Variants in PCNX1 observed in about 807,000 individuals in gnomAD.
PCNX1 encodes the protein pecanex 1.
In PCNX1, 78 loss-of-function variants were observed where a neutral mutation model predicts 242.2. That is an observed-to-expected ratio of 0.32 (90% CI 0.27 to 0.39). PCNX1 has a LOEUF of 0.39. Among genes scored for constraint, PCNX1 ranks in the 10% least tolerant of loss-of-function variants. The probability of loss-of-function intolerance (pLI) is 1.00; values close to 1 mark genes in which losing one functional copy is unlikely to be tolerated. For synonymous variants in PCNX1, 1,024 were observed against 1,032.9 expected (o/e 0.99, Z 0.17); for missense variants, 2,581 against 2,856.5 (o/e 0.90, Z 2.20).
intron 7 of PCNX1, among the ~76,000 whole-genome samples, chr14:70,993,033 T>C (rs1433390146): frequency 6.6e-6 from 1 of 152,050 alleles, no homozygotes; most frequent in Non-Finnish European, 1.5e-5. Flanking sequence ...TCAAAAGATA[T>C]TAGGCCTAAG....
At chr14:71,004,953 G>C (rs372916263) in intron 8 of PCNX1, among the ~76,000 whole-genome samples, 16 of 151,914 alleles carry the variant, frequency 1.1e-4, no homozygotes, top group Admixed American at 3.3e-4. Flanking sequence ...TGTTTTTATA[G>C]CCCCTCTCTG....
chr14:70,992,549 A>AT (rs2059199189), intron 7 of PCNX1, among the ~76,000 whole-genome samples: 1 of 103,454 alleles, frequency 9.7e-6, no homozygotes, highest in Non-Finnish European at 1.9e-5. Context: ...ATAGAAAGGT[A>AT]ACTAGCAGTA....
chr14:70,943,435 CAA>C (rs1159118800), intron 1 of PCNX1, among the ~76,000 whole-genome samples: 2 of 152,160 alleles, frequency 1.3e-5, no homozygotes, highest in African/African-American at 4.8e-5. Flanking sequence ...GCTTTATTAG[CAA>C]AGAGACTGGC....
Position 71,016,862 on chromosome 14 carries a change from G to C in PCNX1, c.2997-2147G>C, listed in dbSNP as rs537625313. On this transcript the variant is annotated intron_variant, in intron 11 of 35. Transcript: ENST00000304743. The stretch of plus-strand genomic sequence containing the variant: ...GTAAACAAAAGAAAGGTAGTAGTAA[G>C]GAACAAAACAATTCAATGAGGAAAC... Among the ~76,000 whole-genome samples the C allele has an allele frequency of 4.8e-4, 73 of 152,076 alleles. No homozygotes were observed. In the South Asian group the frequency reaches 0.012, roughly 24 times the overall value.
rs555018124 is a variant in PCNX1, at chr14:70,967,869, C to T, written c.469-329C>T. Among the ~76,000 whole-genome samples the T allele has an allele frequency of 1.8e-4, 27 of 152,078 alleles. 1 individual carries two copies. The highest frequency in any genetic ancestry group is 2.9e-4 in the Non-Finnish European group (20 of 68,026). Reference sequence around the variant, plus strand: ...GTTTTGCTTTTGTTTATAACATGAACGTGTCATGATGTAGTATAAAAATGA... The same window carrying T: ...GTTTTGCTTTTGTTTATAACATGAATGTGTCATGATGTAGTATAAAAATGA... On this transcript the variant is annotated intron_variant, in intron 3 of 35. Coordinates refer to ENST00000304743, the MANE Select transcript of PCNX1 (RefSeq NM_014982.3).
At chr14:70,991,674 G>A (rs113185698) in intron 7 of PCNX1, among the ~76,000 whole-genome samples, 1,929 of 152,256 alleles carry the variant, frequency 0.013, 19 homozygotes, top group Non-Finnish European at 0.021. Context: ...TATCTGTGGG[G>A]AATTAGGGAG....
At chr14:71,064,938 G>A (rs1002420827) in intron 26 of PCNX1, among the ~76,000 whole-genome samples, 3 of 152,176 alleles carry the variant, frequency 2.0e-5, no homozygotes, top group African/African-American at 7.2e-5. Flanking sequence ...CCCTGCAAAG[G>A]CCATGAACTC....
chr14:71,017,080 A>G (rs1203715394), intron 11 of PCNX1, among the ~76,000 whole-genome samples: 1 of 152,214 alleles, frequency 6.6e-6, no homozygotes, highest in Non-Finnish European at 1.5e-5. Flanking sequence ...TATTAAAAGC[A>G]TAATTAGAGA....
intron 1 of PCNX1, among the ~76,000 whole-genome samples, chr14:70,937,925 GCTCT>G (rs1411529245): frequency 6.6e-6 from 1 of 151,904 alleles, no homozygotes; most frequent in Non-Finnish European, 1.5e-5. Context: ...TCATGATTTG[GCTCT>G]CTGTCTGTTA....
rs1353775675 is a variant in PCNX1, at chr14:71,045,325, T to C, written c.4018+42T>C. ...CACTTTTTCTTTTTAATACTATGAG[T>C]TTTTCCCTTTGCTATATTGATAGAT... On this transcript the variant is annotated intron_variant, in intron 20 of 35. Transcript: ENST00000304743. 2.9e-6 allele frequency: 4 copies of C among 1,397,980 alleles called. No homozygotes were observed. The South Asian group carries it at 5.0e-5, about 18-fold the overall frequency. 86.6% of individuals were successfully genotyped at this position (1,397,980 alleles called of 1,614,324 possible).
intron 9 of PCNX1, 39 bp downstream of exon 9, chr14:71,009,763 T>C (rs2059770112): frequency 8.4e-7 from 1 of 1,196,918 alleles, no homozygotes; most frequent in South Asian, 1.4e-5. Context: ...TGTACTTTCA[T>C]ATGTTTGCCA....
intron 8 of PCNX1, among the ~76,000 whole-genome samples, chr14:70,997,314 T>C (rs2059382280): frequency 6.6e-6 from 1 of 152,118 alleles, no homozygotes; most frequent in Admixed American, 6.5e-5. Flanking sequence ...ATTGGCTTTA[T>C]AGTAGTAGAT....
intron 1 of PCNX1, among the ~76,000 whole-genome samples, chr14:70,908,465 G>C (rs1212739290): frequency 6.6e-6 from 1 of 152,116 alleles, no homozygotes; most frequent in Non-Finnish European, 1.5e-5. Context: ...GGGCTCCCGG[G>C]AGAGGCCGCC....
At chr14:70,980,200 C>A (rs1035945403) in intron 6 of PCNX1, among the ~76,000 whole-genome samples, 1 of 151,150 alleles carries the variant, frequency 6.6e-6, no homozygotes, top group Non-Finnish European at 1.5e-5. Flanking sequence ...TAAATTCATG[C>A]GTTTATATTT....
At chr14:71,065,555 C>T (rs540515133) in intron 26 of PCNX1, among the ~76,000 whole-genome samples, 2 of 152,192 alleles carry the variant, frequency 1.3e-5, no homozygotes, top group South Asian at 4.1e-4. Flanking sequence ...AAAATTTTGT[C>T]TCATTCTGTA....
At chr14:71,081,328 TTC>T (rs1242672869) in intron 28 of PCNX1, among the ~76,000 whole-genome samples, 1 of 152,142 alleles carries the variant, frequency 6.6e-6, no homozygotes, top group Non-Finnish European at 1.5e-5. Context: ...GCCTGAAATT[TTC>T]TGTTTTTGTT....
chr14:71,022,952 A>T (rs2060144298), intron 12 of PCNX1, among the ~76,000 whole-genome samples: 2 of 152,138 alleles, frequency 1.3e-5, no homozygotes, highest in African/African-American at 4.8e-5. Flanking sequence ...ACTTTAAGAT[A>T]GATACAAATA....
intron 1 of PCNX1, among the ~76,000 whole-genome samples, chr14:70,915,650 C>T (rs2056124262): frequency 6.6e-6 from 1 of 152,020 alleles, no homozygotes; most frequent in Non-Finnish European, 1.5e-5. Context: ...TAAGTCATTT[C>T]CAGGTTTTAG....
chr14:71,103,260 C>A, intron 31 of PCNX1, 135 bp from the exon 32 acceptor site: 1 of 946,014 alleles, frequency 1.1e-6, no homozygotes, highest in Non-Finnish European at 1.6e-6. Flanking sequence ...TAAATGTGAC[C>A]TACTTATATT....
Sources: allele counts gnomAD v4.1 joint callset (sites outside exome capture counted in the v4.1 genomes callset), GRCh38; gene constraint gnomAD v4.1.1; transcripts MANE v1.5; gene names NCBI Gene and HGNC (gene_info 2026-07-23, HGNC 2026-07-21).